SERPINA12: variants seen among roughly 807,000 people sequenced by gnomAD.
SERPINA12 encodes serpin A12.
A neutral mutation model predicts 25.9 loss-of-function variants in SERPINA12; 21 were observed. The ratio of observed to expected loss-of-function variants is 0.81; its 90% CI spans 0.58 to 1.17. The LOEUF is 1.17. Ranked by LOEUF, SERPINA12 falls within the 50% of genes most tolerant of loss-of-function variation. The pLI is 0.00. For missense variants in SERPINA12, 562 were observed against 508.3 expected (o/e 1.11, Z -1.02); for synonymous variants, 220 against 196.0 (o/e 1.12, Z -1.02).
At chr14:94,512,223 C>T (rs1464570147), upstream of SERPINA12, among the ~76,000 whole-genome samples, 1 of 152,206 alleles carries the variant, frequency 6.6e-6, no homozygotes, top group African/African-American at 2.4e-5. Context: ...CCATCCCCCA[C>T]CCACTCACGT....
intron 1 of SERPINA12, among the ~76,000 whole-genome samples, chr14:94,500,522 T>C (rs1900671141): frequency 6.6e-6 from 1 of 152,108 alleles, no homozygotes; most frequent in African/African-American, 2.4e-5. Context: ...CAGGCGGGAA[T>C]TTCTGCCCTG....
intron 1 of SERPINA12, among the ~76,000 whole-genome samples, chr14:94,499,629 C>A (rs1900627116): frequency 6.6e-6 from 1 of 152,140 alleles, no homozygotes; most frequent in African/African-American, 2.4e-5. Context: ...GTCAGCCTGT[C>A]CACAGTAAAG....
chr14:94,508,021 G>A (rs1219984439), intron 1 of SERPINA12, among the ~76,000 whole-genome samples: 1 of 152,204 alleles, frequency 6.6e-6, no homozygotes, highest in Non-Finnish European at 1.5e-5. Context: ...ATTTCCCTGG[G>A]TGTCCCCACT....
chr14:94,507,650 C>T (rs918267290), intron 1 of SERPINA12, among the ~76,000 whole-genome samples: 2 of 152,204 alleles, frequency 1.3e-5, no homozygotes, highest in Non-Finnish European at 2.9e-5. Context: ...AAGAAGAACT[C>T]ACTACACACC....
chr14:94,516,385 T>C (rs1159924287), intron 1 of SERPINA12, among the ~76,000 whole-genome samples: 1 of 152,186 alleles, frequency 6.6e-6, no homozygotes, highest in Admixed American at 6.5e-5. Flanking sequence ...CACTCCAGCC[T>C]GGCTGACACA....
intron 1 of SERPINA12, among the ~76,000 whole-genome samples, chr14:94,516,555 CA>C (rs1477831884): frequency 1.3e-5 from 2 of 152,178 alleles, no homozygotes; most frequent in African/African-American, 4.8e-5. Context: ...CACCCCACAC[CA>C]ACCTCAGAGT....
intron 1 of SERPINA12, among the ~76,000 whole-genome samples, chr14:94,507,822 A>G (rs1900984860): frequency 6.6e-6 from 1 of 152,206 alleles, no homozygotes; most frequent in Non-Finnish European, 1.5e-5. Flanking sequence ...CCTTTGACCC[A>G]TTCATTGTAC....
At chr14:94,513,400 A>G (rs1901156871), upstream of SERPINA12, among the ~76,000 whole-genome samples, 1 of 152,232 alleles carries the variant, frequency 6.6e-6, no homozygotes, top group Non-Finnish European at 1.5e-5. Context: ...TCTGAAGCAG[A>G]GCGGGAGGAC....
intron 3 of SERPINA12, among the ~76,000 whole-genome samples, chr14:94,494,693 C>A (rs1319917771): frequency 1.3e-5 from 2 of 152,202 alleles, no homozygotes; most frequent in Non-Finnish European, 1.5e-5. Context: ...CTGCTGAGAA[C>A]CTTGGAGCTC....
intron 2 of SERPINA12, 86 bp from the exon 3 acceptor site, chr14:94,496,729 C>T: frequency 8.7e-7 from 1 of 1,144,848 alleles, no homozygotes; most frequent in Non-Finnish European, 1.3e-6. Context: ...TCTCTCCACA[C>T]AGATTCAGGG....
chr14:94,515,993 G>C (rs1195239455), exon 2 of SERPINA12: 1 of 152,388 alleles, frequency 6.6e-6, no homozygotes, highest in Non-Finnish European at 1.5e-5. Flanking sequence ...GGCGCCGAGA[G>C]AGTGGGGTTC....
intron 3 of SERPINA12, among the ~76,000 whole-genome samples, chr14:94,493,970 G>T (rs1389865995): frequency 6.6e-6 from 1 of 152,222 alleles, no homozygotes; most frequent in East Asian, 1.9e-4. Context: ...GAAGCCCCCA[G>T]TGTAGCACCT....
Position 94,498,286 on chromosome 14 carries a change from C to G in SERPINA12, c.112G>C (p.Gly38Arg). ...RNYKALSEVQ[G>R]WKQRMAAKEL... ...TTGGCTGCCATCCTTTGCTTCCATC[C>G]TTGGACCTCGCTCAAAGCTTTATAA... is the stretch of plus-strand genomic sequence containing the variant. The change falls in exon 2 of 5, where the codon GGA (glycine) becomes CGA (arginine). Residue 38 changes from glycine to arginine, a missense_variant. Physicochemically the swap from Gly to Arg is moderately radical, Grantham distance 125. Transcript: ENST00000677451. The G allele has an allele frequency of 1.2e-6, 2 of 1,614,226 alleles. No homozygotes were observed. Among genetic ancestry groups the G allele is most frequent in the Non-Finnish European group, 8.5e-7 (1 of 1,180,046 alleles).
upstream of SERPINA12, chr14:94,511,804 G>T: frequency 1.2e-6 from 1 of 825,764 alleles, no homozygotes; most frequent in Non-Finnish European, 1.5e-6. Flanking sequence ...TAAGCTCACA[G>T]ACCAGGGAAG....
intron 1 of SERPINA12, 32 bp from the exon 2 acceptor site, chr14:94,498,462 C>T: frequency 1.1e-5 from 17 of 1,522,424 alleles, no homozygotes; most frequent in Non-Finnish European, 1.5e-5. Flanking sequence ...AACATGATAA[C>T]CCCATTGCCT....
chr14:94,508,196 G>T (rs1901002079), intron 1 of SERPINA12, among the ~76,000 whole-genome samples: 1 of 152,240 alleles, frequency 6.6e-6, no homozygotes, highest in Non-Finnish European at 1.5e-5. Context: ...TGTATTTTCA[G>T]TCATTGAATT....
intron 3 of SERPINA12, among the ~76,000 whole-genome samples, chr14:94,492,141 G>C (rs1900203121): frequency 6.6e-6 from 1 of 152,164 alleles, no homozygotes; most frequent in Non-Finnish European, 1.5e-5. Context: ...CAGCCGAAGA[G>C]CGAGGCCTGA....
At position 94,497,493 on chromosome 14, in the gene SERPINA12, C is replaced by T. The variant is rs1379736328; in HGVS notation, c.634+271G>A. 3.3e-5 allele frequency among the ~76,000 whole-genome samples: 5 copies of T among 152,178 alleles called. No individual in the cohort carries two copies. The East Asian group carries it at 7.7e-4, about 23-fold the overall frequency. On this transcript the variant is annotated intron_variant, in intron 2 of 4. Coordinates refer to ENST00000677451, the MANE Select transcript of SERPINA12 (RefSeq NM_001382267.1). Reference sequence around the variant, plus strand: ...GATGGGAACAAAATGTCATTCCAACCTCTATAACCAATGTTGTGTTAGGAT... The same window carrying T: ...GATGGGAACAAAATGTCATTCCAACTTCTATAACCAATGTTGTGTTAGGAT...
chr14:94,508,099 G>A (rs570487379), intron 1 of SERPINA12, among the ~76,000 whole-genome samples: 1 of 152,232 alleles, frequency 6.6e-6, no homozygotes, highest in African/African-American at 2.4e-5. Flanking sequence ...CAGTGACCAA[G>A]AGTGTGAAAC....
Sources: gnomAD v4.1 joint callset for allele counts (sites outside exome capture counted in the v4.1 genomes callset) on GRCh38, gnomAD v4.1.1 for gene constraint, MANE v1.5 for transcripts, NCBI Gene and HGNC (gene_info 2026-07-23, HGNC 2026-07-21) for gene names.